The following AIG1 variants were observed in gnomAD, a reference collection of about 807,000 sequenced individuals.
AIG1 encodes androgen-induced gene 1 protein.
Under a neutral mutation model 31.4 loss-of-function variants are expected in AIG1, and 23 were observed. That is an observed-to-expected ratio of 0.73 (90% CI 0.53 to 1.04). The LOEUF is 1.04. Among genes scored for constraint, AIG1 ranks in the 50% least tolerant of loss-of-function variants. The probability of loss-of-function intolerance (pLI) is 0.00; values close to 1 mark genes in which losing one functional copy is unlikely to be tolerated. For synonymous variants in AIG1, 100 were observed against 110.5 expected (o/e 0.90, Z 0.60); for missense variants, 274 against 295.0 (o/e 0.93, Z 0.52).
intron 3 of AIG1, among the ~76,000 whole-genome samples, chr6:143,281,269 G>A (rs988680012): frequency 6.6e-6 from 1 of 152,182 alleles, no homozygotes; most frequent in African/African-American, 2.4e-5. Context: ...GCAGAATGGA[G>A]TTAATAATAT....
chr6:143,104,444 G>C (rs1780612611), intron 1 of AIG1, among the ~76,000 whole-genome samples: 1 of 152,202 alleles, frequency 6.6e-6, no homozygotes, highest in Admixed American at 6.5e-5. Flanking sequence ...GATGCCATCT[G>C]TGCAGAAATA....
rs77028286 is a variant in AIG1, at chr6:143,126,530, C to T, written c.142-10305C>T. Among the ~76,000 whole-genome samples, 828 of 152,246 alleles carry T rather than the reference C, an allele frequency of 5.4e-3. 13 individuals are homozygous for T. The highest frequency in any genetic ancestry group is 0.019 in the African/African-American group (781 of 41,548). ...TAAAAAGAAAGATGTCTGTGGAAAGCGGGGGATCCCTTGAAGATGGTGTTT... is the reference window on the plus strand; with the variant it reads ...TAAAAAGAAAGATGTCTGTGGAAAGTGGGGGATCCCTTGAAGATGGTGTTT... On this transcript the variant is annotated intron_variant, in intron 1 of 5. Coordinates refer to ENST00000357847, the MANE Select transcript of AIG1 (RefSeq NM_016108.4).
intron 2 of AIG1, among the ~76,000 whole-genome samples, chr6:143,161,000 T>C (rs1366920788): frequency 6.6e-6 from 1 of 152,186 alleles, no homozygotes; most frequent in African/African-American, 2.4e-5. Flanking sequence ...TCACTTGTGG[T>C]TAACAGATAG....
rs896055576 is a variant in AIG1 at position 143,331,787 on chromosome 6, G to T, written c.516-1495G>T. Among the ~76,000 whole-genome samples the T allele has an allele frequency of 1.3e-5, 2 of 151,358 alleles. No individual in the cohort carries two copies. The highest frequency in any genetic ancestry group is 2.9e-5 in the Non-Finnish European group (2 of 67,892). ...GATCTCACCCTCATTGATAACGCAG[G>T]TTCTCAGGTATAGATCCCCAGGTTT... is the stretch of plus-strand genomic sequence containing the variant. On this transcript the variant is annotated intron_variant, in intron 4 of 5. Coordinates refer to ENST00000357847, the MANE Select transcript of AIG1 (RefSeq NM_016108.4). This position sits in a 1 kb window ranked among gnomAD's most constrained non-coding sequence, Gnocchi z 4.1.
chr6:143,228,647 G>A lies in AIG1; in HGVS notation c.400-55463G>A, dbSNP rs192960192. The stretch of plus-strand genomic sequence containing the variant: ...ACCACATTTACTTGGACAAACGAGA[G>A]GGACTCAGAGGGCTTCGACTCTGGG... On this transcript the variant is annotated intron_variant, in intron 3 of 5. Transcript: ENST00000357847. Among the ~76,000 whole-genome samples, 91 of 152,308 alleles carry A rather than the reference G, an allele frequency of 6.0e-4. 1 individual carries two copies. Among genetic ancestry groups the A allele is most frequent in the Non-Finnish European group, 4.1e-4 (28 of 68,032 alleles).
intron 3 of AIG1, among the ~76,000 whole-genome samples, chr6:143,273,226 A>G (rs915481594): frequency 6.6e-6 from 1 of 152,238 alleles, no homozygotes; most frequent in African/African-American, 2.4e-5. Flanking sequence ...GCTGATATCT[A>G]CGAATAAGTG....
At chr6:143,154,206 TG>T (rs1229448041) in intron 2 of AIG1, among the ~76,000 whole-genome samples, 2 of 151,700 alleles carry the variant, frequency 1.3e-5, no homozygotes, top group African/African-American at 2.4e-5. Flanking sequence ...TCTAAAGATA[TG>T]TTTTTTTTCA....
chr6:143,243,733 C>T (rs947669607), intron 3 of AIG1, among the ~76,000 whole-genome samples: 1 of 152,196 alleles, frequency 6.6e-6, no homozygotes, highest in Non-Finnish European at 1.5e-5. Flanking sequence ...TGTGTTGCCA[C>T]CTGGTTATGG....
intron 1 of AIG1, among the ~76,000 whole-genome samples, chr6:143,118,148 G>C (rs1781895751): frequency 6.6e-6 from 1 of 152,184 alleles, no homozygotes; most frequent in African/African-American, 2.4e-5. Flanking sequence ...GCCGGGTGCA[G>C]TGGCTCACGC....
intron 4 of AIG1, among the ~76,000 whole-genome samples, chr6:143,306,926 C>G (rs1423948399): frequency 6.6e-6 from 1 of 152,164 alleles, no homozygotes; most frequent in Non-Finnish European, 1.5e-5. Context: ...CTCCAAACTT[C>G]CCTTCTCGCT....
intron 3 of AIG1, among the ~76,000 whole-genome samples, chr6:143,254,803 C>T (rs1583638124): frequency 6.6e-6 from 1 of 152,082 alleles, no homozygotes; most frequent in East Asian, 1.9e-4. Context: ...TGCTTCAGCC[C>T]AGGAGTTTGA....
intron 3 of AIG1, among the ~76,000 whole-genome samples, chr6:143,185,912 C>A (rs1789216944): frequency 6.6e-6 from 1 of 152,226 alleles, no homozygotes; most frequent in Non-Finnish European, 1.5e-5. Flanking sequence ...TAATTTTCTA[C>A]ATCCTTCAGT....
intron 2 of AIG1, among the ~76,000 whole-genome samples, chr6:143,138,211 C>G (rs953519065): frequency 1.3e-5 from 2 of 152,196 alleles, no homozygotes; most frequent in African/African-American, 4.8e-5. Context: ...TAAATGAGTA[C>G]TCAGATTGAA....
rs1299713738 is a variant in AIG1 at position 143,255,296 on chromosome 6, G to C, written c.400-28814G>C. Among the ~76,000 whole-genome samples the C allele has an allele frequency of 2.0e-5, 3 of 152,194 alleles. No homozygotes were observed. The East Asian group carries it at 5.8e-4, about 29-fold the overall frequency. ...GCCATAACAAAAGACCACAGACTAG[G>C]TGGCTTAAACAACAGAAATTTGTTT... is the stretch of plus-strand genomic sequence containing the variant. On this transcript the variant is annotated intron_variant, in intron 3 of 5. Coordinates refer to ENST00000357847, the MANE Select transcript of AIG1 (RefSeq NM_016108.4).
chr6:143,121,138 T>C (rs1782205289), intron 1 of AIG1, among the ~76,000 whole-genome samples: 1 of 152,192 alleles, frequency 6.6e-6, no homozygotes, highest in Non-Finnish European at 1.5e-5. Flanking sequence ...CATGGGTAAA[T>C]CTCTGTTTGA....
chr6:143,272,724 A>G (rs188419102), intron 3 of AIG1, among the ~76,000 whole-genome samples: 99 of 152,366 alleles, frequency 6.5e-4, no homozygotes, highest in African/African-American at 2.2e-3. Context: ...TAATGGAACA[A>G]TAACAGTTGC....
intron 3 of AIG1, among the ~76,000 whole-genome samples, chr6:143,176,648 C>A (rs1788195240): frequency 6.6e-6 from 1 of 152,196 alleles, no homozygotes; most frequent in South Asian, 2.1e-4. Flanking sequence ...CAGCCACAGG[C>A]CTCACTTAGC....
intron 3 of AIG1, among the ~76,000 whole-genome samples, chr6:143,168,403 T>C (rs1359788939): frequency 7.2e-6 from 1 of 139,676 alleles, no homozygotes. Context: ...GCTATCCCTC[T>C]CCCCTCCCCC....
intron 3 of AIG1, among the ~76,000 whole-genome samples, chr6:143,240,566 G>T (rs1323136075): frequency 1.3e-5 from 2 of 152,098 alleles, no homozygotes; most frequent in African/African-American, 2.4e-5. Context: ...TCCAATCTTT[G>T]CTCCTTCCCT....
Sources: gnomAD v4.1 joint callset for allele counts (sites outside exome capture counted in the v4.1 genomes callset) on GRCh38, gnomAD v4.1.1 for gene constraint, Gnocchi (gnomAD v3.1) non-coding constraint, MANE v1.5 for transcripts, NCBI Gene and HGNC (gene_info 2026-07-23, HGNC 2026-07-21) for gene names.